DPY19L4: variants seen among roughly 807,000 people sequenced by gnomAD.
DPY19L4 encodes the protein dpy-19 like 4.
Under a neutral mutation model 102.8 loss-of-function variants are expected in DPY19L4, and 97 were observed. The observed-to-expected ratio is 0.94, with a 90% CI of 0.80 to 1.12. The LOEUF is 1.12. Ranked by LOEUF, DPY19L4 falls within the 50% of genes most tolerant of loss-of-function variation. The pLI is 0.00. For synonymous variants in DPY19L4, 252 were observed against 283.1 expected, an observed-to-expected ratio of 0.89 and a Z score of 1.10; for missense variants, 815 against 850.4, an observed-to-expected ratio of 0.96 and a Z score of 0.52.
In DPY19L4 at chr8:94,764,728, T is replaced by TTTTTTTTTTTTTC. The variant is rs1812588222; in HGVS notation, c.871-443_871-442insCTTTTTTTTTTTT. 8.2e-5 allele frequency among the ~76,000 whole-genome samples: 8 copies of TTTTTTTTTTTTTC among 97,596 alleles called. 2 individuals are homozygous for TTTTTTTTTTTTTC. The highest frequency in any genetic ancestry group is 3.7e-4 in the African/African-American group (8 of 21,748). The allele number at this position is 97,596 out of a possible 152,430, so 64.0% of individuals were successfully genotyped here. A position where few individuals can be genotyped will look rare whatever the true frequency, so the allele number is the denominator to read the frequency against. ...ATATATATATATATATTTTTTTTTT[T>TTTTTTTTTTTTTC]TTTTTTTTTTTTTTGTCCTGAGACA... On this transcript the variant is annotated intron_variant, in intron 8 of 18. Transcript: ENST00000414645.
chr8:94,792,093 T>G lies in DPY19L4; in HGVS notation c.*2183T>G, dbSNP rs1428823864. 2 of 152,166 alleles carry G rather than the reference T, an allele frequency of 1.3e-5. No homozygotes were observed. Among genetic ancestry groups the G allele is most frequent in the Non-Finnish European group, 2.9e-5 (2 of 68,018 alleles). The allele number at this position is 152,166 out of a possible 1,614,324, so 9.4% of individuals were successfully genotyped here. A position where few individuals can be genotyped will look rare whatever the true frequency, so the allele number is the denominator to read the frequency against. ...CTTAGGTAACTTACAGTTGTTAGGTTTGACAATAAAGATCTACTATGAGAG... is the reference window on the plus strand; with the variant it reads ...CTTAGGTAACTTACAGTTGTTAGGTGTGACAATAAAGATCTACTATGAGAG... On this transcript the variant is annotated 3_prime_UTR_variant, in exon 19 of 19. Coordinates refer to ENST00000414645, the MANE Select transcript of DPY19L4 (RefSeq NM_181787.3).
intron 15 of DPY19L4, 67 bp from the exon 16 acceptor site, chr8:94,781,017 G>A: frequency 7.5e-7 from 1 of 1,336,198 alleles, no homozygotes; most frequent in South Asian, 1.3e-5. Context: ...CTGTGGAACA[G>A]TTTTAAACTT....
intron 2 of DPY19L4, among the ~76,000 whole-genome samples, chr8:94,732,413 C>G (rs1167656574): frequency 6.6e-6 from 1 of 152,018 alleles, no homozygotes; most frequent in African/African-American, 2.4e-5. Flanking sequence ...CAGTTACAGG[C>G]TGGAGGCAGT....
chr8:94,759,462 G>C (rs1812307281), intron 7 of DPY19L4, among the ~76,000 whole-genome samples: 1 of 149,324 alleles, frequency 6.7e-6, no homozygotes, highest in Non-Finnish European at 1.5e-5. Flanking sequence ...AAAGCGCTGA[G>C]ATTACTGGTG....
rs1207490411 is a variant in DPY19L4, at chr8:94,719,952, T to C, written c.-47T>C. On this transcript the variant is annotated 5_prime_UTR_variant, in exon 1 of 19. Coordinates refer to ENST00000414645, the MANE Select transcript of DPY19L4 (RefSeq NM_181787.3). ...TTCGGCGACGCGGAGGGAGGGAGAGTCTGGGCCGCGCGGGAGCCGCAGGGC... is the reference window on the plus strand; with the variant it reads ...TTCGGCGACGCGGAGGGAGGGAGAGCCTGGGCCGCGCGGGAGCCGCAGGGC... 2.7e-6 allele frequency: 4 copies of C among 1,494,536 alleles called. No individual in the cohort carries two copies. The South Asian group carries it at 5.1e-5, about 19-fold the overall frequency. 92.6% of individuals were successfully genotyped at this position (1,494,536 alleles called of 1,614,324 possible). A position where few individuals can be genotyped will look rare whatever the true frequency, so the allele number is the denominator to read the frequency against.
intron 2 of DPY19L4, among the ~76,000 whole-genome samples, chr8:94,732,295 A>G (rs370740336): frequency 9.2e-5 from 14 of 152,242 alleles, no homozygotes; most frequent in East Asian, 3.9e-4. Flanking sequence ...TTAGGCCTTT[A>G]GTCCCTTATT....
chr8:94,722,714 AC>A (rs1213724200), intron 1 of DPY19L4, among the ~76,000 whole-genome samples: 1 of 152,104 alleles, frequency 6.6e-6, no homozygotes, highest in African/African-American at 2.4e-5. Context: ...GTCACTCTAT[AC>A]TTTTTTTCCC....
At chr8:94,768,285 G>T in intron 11 of DPY19L4, 110 bp from the exon 12 acceptor site, 2 of 787,872 alleles carry the variant, frequency 2.5e-6, no homozygotes, top group Non-Finnish European at 2.0e-6. Context: ...ATAAGTAAAC[G>T]GGTTTAGGAA....
At chr8:94,721,936 C>G (rs964495928) in intron 1 of DPY19L4, among the ~76,000 whole-genome samples, 4 of 151,864 alleles carry the variant, frequency 2.6e-5, no homozygotes, top group Non-Finnish European at 5.9e-5. Flanking sequence ...CAGTGAAACC[C>G]CATCTCTACT....
intron 6 of DPY19L4, among the ~76,000 whole-genome samples, chr8:94,742,303 A>G (rs1461470583): frequency 1.3e-5 from 2 of 152,038 alleles, no homozygotes; most frequent in African/African-American, 4.8e-5. Flanking sequence ...GCTTGCAGCG[A>G]GCTGAGATCT....
At chr8:94,771,409 G>C (rs537650642) in intron 13 of DPY19L4, among the ~76,000 whole-genome samples, 18 of 152,276 alleles carry the variant, frequency 1.2e-4, no homozygotes, top group Admixed American at 5.2e-4. Flanking sequence ...TCTAGGCATT[G>C]TGCTAGGTGC....
At chr8:94,752,531 A>T (rs1304383279) in intron 6 of DPY19L4, among the ~76,000 whole-genome samples, 6 of 139,010 alleles carry the variant, frequency 4.3e-5, no homozygotes, top group Non-Finnish European at 9.2e-5. Context: ...AGTTGCAGTG[A>T]GCCGAGATTG....
chr8:94,772,727 G>C (rs1347933104), intron 13 of DPY19L4, among the ~76,000 whole-genome samples: 1 of 152,150 alleles, frequency 6.6e-6, no homozygotes, highest in Non-Finnish European at 1.5e-5. Flanking sequence ...ATGCTCCAAG[G>C]CTCCCACCAT....
intron 6 of DPY19L4, among the ~76,000 whole-genome samples, chr8:94,747,302 C>G (rs1461395167): frequency 6.6e-6 from 1 of 151,984 alleles, no homozygotes; most frequent in Non-Finnish European, 1.5e-5. Context: ...ATCTGCCTAC[C>G]TAAGCCTCCC....
At chr8:94,757,099 T>C (rs762452758) in intron 7 of DPY19L4, among the ~76,000 whole-genome samples, 1 of 152,166 alleles carries the variant, frequency 6.6e-6, no homozygotes, top group Non-Finnish European at 1.5e-5. Context: ...ATTGACTGAA[T>C]TGTAACAGTC....
At chr8:94,726,966 A>G (rs1000376148) in intron 2 of DPY19L4, among the ~76,000 whole-genome samples, 2 of 152,094 alleles carry the variant, frequency 1.3e-5, no homozygotes, top group African/African-American at 4.8e-5. Context: ...CTTGTGATTT[A>G]TTTCTCTCCC....
intron 10 of DPY19L4, 53 bp downstream of exon 10, chr8:94,765,862 A>G (rs1812651663): frequency 9.1e-7 from 1 of 1,103,596 alleles, no homozygotes; most frequent in Non-Finnish European, 1.3e-6. Flanking sequence ...AATGAAATAT[A>G]TTGGACTACA....
Position 94,719,914 on chromosome 8 carries a change from G to A in DPY19L4, c.-85G>A, listed in dbSNP as rs557601796. 29 of 1,416,192 alleles carry A rather than the reference G, an allele frequency of 2.0e-5. No individual in the cohort carries two copies. In the East Asian group the frequency reaches 3.4e-4, roughly 16 times the overall value. 87.7% of individuals were successfully genotyped at this position (1,416,192 alleles called of 1,614,324 possible). A position where few individuals can be genotyped will look rare whatever the true frequency, so the allele number is the denominator to read the frequency against. On this transcript the variant is annotated 5_prime_UTR_variant, in exon 1 of 19. Transcript: ENST00000414645. Reference sequence around the variant, plus strand: ...GCGCGGCGGCCAGGAGCGGGCCCCCGGAGGCCGAGGGGTTCGGCGACGCGG... The same window carrying A: ...GCGCGGCGGCCAGGAGCGGGCCCCCAGAGGCCGAGGGGTTCGGCGACGCGG...
chr8:94,724,349 T>G lies in DPY19L4; in HGVS notation c.17-1982T>G, dbSNP rs182413770. 5.9e-5 allele frequency among the ~76,000 whole-genome samples: 9 copies of G among 152,374 alleles called. No individual in the cohort carries two copies. In the East Asian group the frequency reaches 1.7e-3, roughly 29 times the overall value. On this transcript the variant is annotated intron_variant, in intron 1 of 18. Coordinates refer to ENST00000414645, the MANE Select transcript of DPY19L4 (RefSeq NM_181787.3). ...TTGTAGTTATATCTTCCCCTTGTAT[T>G]CTTTTAAAATAAAATTAAAAACAAT... is the stretch of plus-strand genomic sequence containing the variant.
Sources: gnomAD v4.1 joint callset for allele counts (sites outside exome capture counted in the v4.1 genomes callset) on GRCh38, gnomAD v4.1.1 for gene constraint, MANE v1.5 for transcripts, NCBI Gene and HGNC (gene_info 2026-07-23, HGNC 2026-07-21) for gene names.